Variants in CCDC175 observed in about 807,000 individuals in gnomAD.
The protein encoded by CCDC175 is coiled-coil domain containing 175.
Under a neutral mutation model 114.6 loss-of-function variants are expected in CCDC175, and 100 were observed. That is an observed-to-expected ratio of 0.87 (90% CI 0.74 to 1.03). The LOEUF (loss-of-function observed/expected upper bound fraction) is 1.03. CCDC175 is among the 50% of genes least tolerant of loss of function. The pLI, the probability that CCDC175 is intolerant of heterozygous loss-of-function variation, is 0.00. For synonymous variants in CCDC175, 306 were observed against 308.7 expected, an observed-to-expected ratio of 0.99 and a Z score of 0.09; for missense variants, 880 against 917.8, an observed-to-expected ratio of 0.96 and a Z score of 0.53.
At chr14:59,554,161 C>T (rs930311923) in intron 7 of CCDC175, among the ~76,000 whole-genome samples, 2 of 152,212 alleles carry the variant, frequency 1.3e-5, no homozygotes, top group African/African-American at 4.8e-5. Context: ...ACAGAATATA[C>T]GTTCTTCTCA....
At position 59,505,121 on chromosome 14, in the gene CCDC175, ATTAG is replaced by A. The variant is rs1448854743; in HGVS notation, c.*114_*117del. On this transcript the variant is annotated 3_prime_UTR_variant, in exon 20 of 20. Coordinates refer to ENST00000537690, the MANE Select transcript of CCDC175 (RefSeq NM_001164399.2). ...CTGATACTTGGTGGAGGTTGTGTGA[ATTAG>A]TTAAATTTTAAATGTTTAAGACTTC... 3.9e-5 allele frequency: 18 copies of A among 459,688 alleles called. No individual in the cohort carries two copies. Among genetic ancestry groups the A allele is most frequent in the Admixed American group, 1.1e-4 (3 of 26,638 alleles). The allele number at this position is 459,688 out of a possible 1,614,324, so 28.5% of individuals were successfully genotyped here. A position where few individuals can be genotyped will look rare whatever the true frequency, so the allele number is the denominator to read the frequency against.
Position 59,572,017 on chromosome 14 carries a change from A to G in CCDC175, c.355+685T>C, listed in dbSNP as rs186359708. ...AGCATTTCAGATTTATGGATTAAGG[A>G]TGTTCAACTGGAAAGTATAATGTAA... is the stretch of plus-strand genomic sequence containing the variant. On this transcript the variant is annotated intron_variant, in intron 3 of 19. Transcript: ENST00000537690. Among the ~76,000 whole-genome samples the G allele has an allele frequency of 1.1e-4, 16 of 152,124 alleles. No homozygotes were observed. The East Asian group carries it at 2.9e-3, about 28-fold the overall frequency.
chr14:59,527,215 G>T (rs1348324156), intron 14 of CCDC175, 41 bp from the exon 15 acceptor site: 1 of 1,078,748 alleles, frequency 9.3e-7, no homozygotes, highest in Admixed American at 3.2e-5. Context: ...CAAAAATTTA[G>T]TTAAAAAATA....
chr14:59,572,721 G>C lies in CCDC175; in HGVS notation c.336C>G (p.Ser112Arg), dbSNP rs762558581. ...AAGTACCTTCCAATTCCCTCTTAAT[G>C]CTATTGGGAAGAGTTTCCAATAGAT... ...LYYLLETLPN[S>R]IKRELEECVR... The change falls in exon 3 of 20, where the codon AGC becomes AGG. Residue 112 changes from serine (S) to arginine (R), a missense_variant. By Grantham distance (110) the Ser-to-Arg change is moderately radical. Transcript: ENST00000537690. 16 of 1,499,894 alleles carry C rather than the reference G, an allele frequency of 1.1e-5. No homozygotes were observed. The highest frequency in any genetic ancestry group is 1.4e-5 in the Non-Finnish European group (16 of 1,132,346). 92.9% of individuals were successfully genotyped at this position (1,499,894 alleles called of 1,614,324 possible).
rs1894909208 is a variant in CCDC175 at position 59,543,461 on chromosome 14, T to C, written c.1173-7A>G. 2 of 1,195,094 alleles carry C rather than the reference T, an allele frequency of 1.7e-6. No individual in the cohort carries two copies. The highest frequency in any genetic ancestry group is 1.5e-5 in the African/African-American group (1 of 64,548). 74.0% of individuals were successfully genotyped at this position (1,195,094 alleles called of 1,614,324 possible). ...TGTCAGCTGTTTCTGATTTCTATCATGAAAAACAGAGTTATTTGTTGAAGG... is the reference window on the plus strand; with the variant it reads ...TGTCAGCTGTTTCTGATTTCTATCACGAAAAACAGAGTTATTTGTTGAAGG... On this transcript the variant is annotated splice_region_variant and splice_polypyrimidine_tract_variant and intron_variant, in intron 9 of 19. Coordinates refer to ENST00000537690, the MANE Select transcript of CCDC175 (RefSeq NM_001164399.2).
At chr14:59,520,386 C>T (rs1206190091) in intron 17 of CCDC175, among the ~76,000 whole-genome samples, 2 of 152,214 alleles carry the variant, frequency 1.3e-5, no homozygotes, top group African/African-American at 2.4e-5. Context: ...AACAACCACT[C>T]TGGCAAATTT....
intron 16 of CCDC175, 79 bp downstream of exon 16, chr14:59,525,198 ATTCTC>A: frequency 9.4e-7 from 1 of 1,064,024 alleles, no homozygotes; most frequent in Non-Finnish European, 1.3e-6. Context: ...TTCAAGAGCT[ATTCTC>A]TTCTTTTCTC....
intron 19 of CCDC175, 130 bp downstream of exon 19, chr14:59,510,516 G>T: frequency 1.1e-6 from 1 of 878,812 alleles, no homozygotes; most frequent in Non-Finnish European, 1.8e-6. Context: ...ATGTTCAATT[G>T]AATGTTTGTG....
chr14:59,511,191 G>T (rs1892720946), intron 18 of CCDC175, among the ~76,000 whole-genome samples: 1 of 152,186 alleles, frequency 6.6e-6, no homozygotes, highest in East Asian at 1.9e-4. Context: ...GAACTGTTTG[G>T]TCTTGGACAA....
chr14:59,527,044 A>G (rs1893783342), intron 15 of CCDC175, 51 bp downstream of exon 15: 20 of 1,000,142 alleles, frequency 2.0e-5, no homozygotes, highest in Non-Finnish European at 2.7e-5. Flanking sequence ...ATCTGTATAT[A>G]CCACTATTCT....
intron 7 of CCDC175, among the ~76,000 whole-genome samples, chr14:59,554,928 T>A (rs1474362578): frequency 6.6e-6 from 1 of 152,158 alleles, no homozygotes; most frequent in Non-Finnish European, 1.5e-5. Flanking sequence ...AGAAGTTGAA[T>A]CCCTGAATAG....
Position 59,576,677 on chromosome 14 carries a change from T to G in CCDC175, c.99A>C (p.Leu33Phe). 1 of 1,484,760 alleles carries G rather than the reference T, an allele frequency of 6.7e-7. No individual in the cohort carries two copies. Among genetic ancestry groups the G allele is most frequent in the Non-Finnish European group, 8.9e-7 (1 of 1,125,096 alleles). The allele number at this position is 1,484,760 out of a possible 1,614,324, so 92.0% of individuals were successfully genotyped here. ...CGACCGAGGAGCCCAGGGTGGAGGG[T>G]AAGGTGCATAACTCCAGGGAGGGGC... ...STGPSLELCT[L>F]PSTLGSSVAV... Residue 33 changes from leucine to phenylalanine, a missense_variant, in exon 1 of 20, where the codon TTA (leucine) becomes TTC (phenylalanine). Physicochemically the swap from Leu to Phe is conservative, Grantham distance 22. Coordinates refer to ENST00000537690, the MANE Select transcript of CCDC175 (RefSeq NM_001164399.2).
At chr14:59,523,833 C>CA (rs752581259) in intron 16 of CCDC175, among the ~76,000 whole-genome samples, 10 of 151,842 alleles carry the variant, frequency 6.6e-5, no homozygotes, top group South Asian at 6.2e-4. Flanking sequence ...ACTAAAAATA[C>CA]AAAAAATTAG....
At chr14:59,521,004 GT>G (rs990099930) in intron 17 of CCDC175, among the ~76,000 whole-genome samples, 16 of 152,294 alleles carry the variant, frequency 1.1e-4, no homozygotes, top group African/African-American at 3.8e-4. Flanking sequence ...TTTAAATGAA[GT>G]AAAAACTTTA....
chr14:59,537,616 C>T (rs900428637), intron 13 of CCDC175, among the ~76,000 whole-genome samples: 5 of 152,112 alleles, frequency 3.3e-5, no homozygotes, highest in Admixed American at 1.3e-4. Flanking sequence ...CCCCCAGCAT[C>T]CATGCCCTGT....
intron 7 of CCDC175, among the ~76,000 whole-genome samples, chr14:59,552,022 T>G (rs1692333350): frequency 6.6e-6 from 1 of 152,240 alleles, no homozygotes; most frequent in Non-Finnish European, 1.5e-5. Flanking sequence ...TGCCTGCCTC[T>G]GTAGGCTCCA....
chr14:59,544,409 G>A (rs574715383), intron 9 of CCDC175, among the ~76,000 whole-genome samples: 40 of 152,194 alleles, frequency 2.6e-4, no homozygotes, highest in African/African-American at 8.7e-4. Context: ...AAATAATGAG[G>A]CTCAGAGAAG....
rs1472411331 is a variant in CCDC175 at position 59,525,422 on chromosome 14, G to C, written c.1855C>G (p.Gln619Glu). ...RYISNMEDVK[Q>E]ELQQLRDQES... ...TGATCTCGTAATTGTTGTAATTCTTGTTTTACATCTTCCTGCTCAAACAGA... is the reference window on the plus strand; with the variant it reads ...TGATCTCGTAATTGTTGTAATTCTTCTTTTACATCTTCCTGCTCAAACAGA... Residue 619 changes from glutamine (Q) to glutamate (E), a missense_variant, in exon 16 of 20, where the codon CAA becomes GAA. Gln to Glu is a conservative substitution (Grantham distance 29). Transcript: ENST00000537690. 1 of 1,510,932 alleles carries C rather than the reference G, an allele frequency of 6.6e-7. No individual in the cohort carries two copies. Among genetic ancestry groups the C allele is most frequent in the African/African-American group, 1.4e-5 (1 of 70,662 alleles). 93.6% of individuals were successfully genotyped at this position (1,510,932 alleles called of 1,614,324 possible).
rs1595093345 is a variant in CCDC175, at chr14:59,576,698, G to A, written c.78C>T (p.Pro26=). The A allele has an allele frequency of 6.1e-6, 9 of 1,487,420 alleles. No homozygotes were observed. The highest frequency in any genetic ancestry group is 8.0e-6 in the Non-Finnish European group (9 of 1,126,312). 92.1% of individuals were successfully genotyped at this position (1,487,420 alleles called of 1,614,324 possible). Residue 26 remains proline, a synonymous_variant, in exon 1 of 20, where the codon CCC becomes CCT. Transcript: ENST00000537690. ...LVQAAAVSTG[P]SLELCTLPST... ...AGGGTAAGGTGCATAACTCCAGGGA[G>A]GGGCCAGTGGAGACGGCAGCCGCCT... is the stretch of plus-strand genomic sequence containing the variant.
Sources: gnomAD v4.1 joint callset for allele counts (sites outside exome capture counted in the v4.1 genomes callset) on GRCh38, gnomAD v4.1.1 for gene constraint, MANE v1.5 for transcripts, NCBI Gene and HGNC (gene_info 2026-07-23, HGNC 2026-07-21) for gene names.